PIP: variants seen among roughly 807,000 people sequenced by gnomAD.
PIP encodes prolactin-inducible protein.
In PIP, 9 loss-of-function variants were observed where a neutral mutation model predicts 12.8. The observed-to-expected ratio is 0.70, with a 90% confidence interval of 0.42 to 1.23. The LOEUF is 1.23. Ranked by LOEUF, PIP falls within the 50% of genes most tolerant of loss-of-function variation. PIP has a pLI of 0.00. For synonymous variants in PIP, 60 were observed against 66.1 expected (o/e 0.91, Z 0.45); for missense variants, 172 against 179.5 (o/e 0.96, Z 0.24).
intron 1 of PIP, among the ~76,000 whole-genome samples, 187 bp from the exon 2 acceptor site, chr7:143,135,007 C>T (rs1416414892): frequency 1.3e-5 from 2 of 152,036 alleles, no homozygotes. Flanking sequence ...AAAATTAAAT[C>T]TGTGTGAAGT....
chr7:143,134,208 ATATATATATATATATATATATATAT>A (rs1799276456), intron 1 of PIP, among the ~76,000 whole-genome samples: 1 of 126,462 alleles, frequency 7.9e-6, no homozygotes, highest in African/African-American at 3.0e-5. Flanking sequence ...ATATATATAT[ATATATATATATATATATATATATAT>A]ACCACAGTTT....
chr7:143,138,546 T>C (rs1330416192), intron 2 of PIP, among the ~76,000 whole-genome samples: 1 of 152,132 alleles, frequency 6.6e-6, no homozygotes, highest in East Asian at 1.9e-4. Context: ...GGTTTGGTAG[T>C]TAATTGTTTC....
chr7:143,137,372 C>A (rs979576196), intron 2 of PIP, among the ~76,000 whole-genome samples: 1 of 152,074 alleles, frequency 6.6e-6, no homozygotes, highest in Non-Finnish European at 1.5e-5. Context: ...TCTTTATGCA[C>A]ACATTAGCTG....
intron 2 of PIP, among the ~76,000 whole-genome samples, chr7:143,137,014 C>A (rs1164592289): frequency 1.3e-5 from 2 of 151,360 alleles, no homozygotes; most frequent in Middle Eastern, 3.4e-3. Flanking sequence ...CCATCTAATC[C>A]TCATTTTTTA....
At chr7:143,138,966 C>T (rs1799337246) in intron 2 of PIP, 109 bp from the exon 3 acceptor site, 1 of 694,856 alleles carries the variant, frequency 1.4e-6, no homozygotes, top group African/African-American at 1.8e-5. Context: ...GCCCTAGGCC[C>T]ACCTCCACCC....
At chr7:143,136,016 C>T (rs1163807722) in intron 2 of PIP, among the ~76,000 whole-genome samples, 1 of 152,074 alleles carries the variant, frequency 6.6e-6, no homozygotes, top group Non-Finnish European at 1.5e-5. Context: ...GCCCAAGGTA[C>T]ACCAAGGCTG....
intron 1 of PIP, among the ~76,000 whole-genome samples, chr7:143,134,258 T>G (rs1320083141): frequency 7.3e-6 from 1 of 136,122 alleles, no homozygotes; most frequent in East Asian, 2.2e-4. Flanking sequence ...ATCCACTCGT[T>G]GATTGATGGG....
In PIP at chr7:143,139,156, C is replaced by G. The variant is rs749226470; in HGVS notation, c.283C>G (p.Pro95Ala). 1 of 1,599,346 alleles carries G rather than the reference C, an allele frequency of 6.3e-7. No individual in the cohort carries two copies. The highest frequency in any genetic ancestry group is 8.6e-7 in the Non-Finnish European group (1 of 1,166,442). Residue 95 changes from proline to alanine, a missense_variant, in exon 3 of 4, where the codon CCA (proline) becomes GCA (alanine). By Grantham distance (27) the Pro-to-Ala change is conservative. Coordinates refer to ENST00000291009, the MANE Select transcript of PIP (RefSeq NM_002652.3). ...KYTACLCDDN[P>A]KTFYWDFYTN... ...TACTGCCTGCCTATGTGACGACAAT[C>G]CAAAAACCTTCTACTGGGACTTTTA...
chr7:143,134,846 C>T (rs1351237538), intron 1 of PIP, among the ~76,000 whole-genome samples: 1 of 151,894 alleles, frequency 6.6e-6, no homozygotes, highest in Non-Finnish European at 1.5e-5. Flanking sequence ...GTGAATTGTG[C>T]TACTATAAAC....
At chr7:143,135,866 G>A (rs574077476) in intron 2 of PIP, among the ~76,000 whole-genome samples, 3 of 152,054 alleles carry the variant, frequency 2.0e-5, no homozygotes, top group South Asian at 2.1e-4. Context: ...TTTTCCCCAC[G>A]TTCAGAAGTC....
At chr7:143,137,660 G>C (rs867272783) in intron 2 of PIP, among the ~76,000 whole-genome samples, 1 of 152,096 alleles carries the variant, frequency 6.6e-6, no homozygotes, top group African/African-American at 2.4e-5. Context: ...AGCACTTTGG[G>C]AGGCCAAAGT....
chr7:143,138,782 A>C (rs1021473066), intron 2 of PIP, among the ~76,000 whole-genome samples: 1 of 152,162 alleles, frequency 6.6e-6, no homozygotes, highest in African/African-American at 2.4e-5. Flanking sequence ...CCTGCTCCTC[A>C]GCTGGACAGC....
rs775533580 is a variant in PIP at position 143,139,620 on chromosome 7, T to C, written c.419T>C (p.Ile140Thr). Reference protein sequence around the residue: ...IPIKNNRFYTIEILKVE With the variant: ...IPIKNNRFYTTEILKVE ...ATCAAAAACAACCGGTTTTATACTA[T>C]TGAAATCCTAAAGGTAGAATAATGG... The change falls in exon 4 of 4, where the codon ATT (isoleucine) becomes ACT (threonine). Residue 140 changes from isoleucine to threonine, a missense_variant. Ile to Thr is a moderately conservative substitution (Grantham distance 89, BLOSUM62 -1). Coordinates refer to ENST00000291009, the MANE Select transcript of PIP (RefSeq NM_002652.3). 6.8e-6 allele frequency: 11 copies of C among 1,612,182 alleles called. No homozygotes were observed. Among genetic ancestry groups the C allele is most frequent in the African/African-American group, 5.3e-5 (4 of 74,884 alleles).
At chr7:143,135,412 CTT>C in intron 2 of PIP, 113 bp downstream of exon 2, 1 of 520,178 alleles carries the variant, frequency 1.9e-6, no homozygotes, top group African/African-American at 1.9e-5. Context: ...AACATTCTCA[CTT>C]ATGTTATGCT....
intron 1 of PIP, among the ~76,000 whole-genome samples, chr7:143,134,794 T>C (rs1799288706): frequency 6.6e-6 from 1 of 151,968 alleles, no homozygotes; most frequent in African/African-American, 2.4e-5. Flanking sequence ...AAGATGCTCG[T>C]TCATTGATGG....
At chr7:143,138,256 T>C (rs189253808) in intron 2 of PIP, among the ~76,000 whole-genome samples, 28 of 152,244 alleles carry the variant, frequency 1.8e-4, no homozygotes, top group African/African-American at 6.5e-4. Context: ...GGTTCCTTGA[T>C]GACATTCATA....
At chr7:143,139,327 T>C (rs1799343803) in intron 3 of PIP, 138 bp downstream of exon 3, 2 of 818,906 alleles carry the variant, frequency 2.4e-6, no homozygotes, top group Non-Finnish European at 4.1e-6. Context: ...GGGAAGAGCA[T>C]GGGGAGAGCA....
Position 143,134,188 on chromosome 7 carries a change from A to T in PIP, c.96-1006A>T, listed in dbSNP as rs1326219892. ...GCTGAGTAGTAGTATTCCATCATATATATATATATATATATATATATATAT... is the reference window on the plus strand; with the variant it reads ...GCTGAGTAGTAGTATTCCATCATATTTATATATATATATATATATATATAT... On this transcript the variant is annotated intron_variant, in intron 1 of 3. Transcript: ENST00000291009. Among the ~76,000 whole-genome samples the T allele has an allele frequency of 7.3e-4, 3 of 4,102 alleles. No individual in the cohort carries two copies. In the South Asian group the frequency reaches 0.021, roughly 28 times the overall value. The allele number at this position is 4,102 out of a possible 152,430, so 2.7% of individuals were successfully genotyped here.
chr7:143,138,987 C>T (rs1007809412), intron 2 of PIP, 88 bp from the exon 3 acceptor site: 5 of 757,006 alleles, frequency 6.6e-6, no homozygotes, highest in Middle Eastern at 2.3e-4. Context: ...CCACTCTTCT[C>T]CTCCGGCTTT....
Sources: gnomAD v4.1 joint callset for allele counts (sites outside exome capture counted in the v4.1 genomes callset) on GRCh38, gnomAD v4.1.1 for gene constraint, MANE v1.5 for transcripts, NCBI Gene and HGNC (gene_info 2026-07-23, HGNC 2026-07-21) for gene names.